PIP5K1B: variants seen among roughly 807,000 people sequenced by gnomAD.
PIP5K1B encodes the protein phosphatidylinositol 4-phosphate 5-kinase type-1 beta.
Under a neutral mutation model 67.0 loss-of-function variants are expected in PIP5K1B, and 42 were observed. The observed-to-expected ratio is 0.63, with a 90% confidence interval of 0.49 to 0.81. PIP5K1B has a LOEUF of 0.81. PIP5K1B is among the 30% of genes least tolerant of loss of function. The pLI, the probability that PIP5K1B is intolerant of heterozygous loss-of-function variation, is 0.00. For missense variants in PIP5K1B, 459 were observed against 646.3 expected (o/e 0.71, Z 3.14); for synonymous variants, 214 against 231.4 (o/e 0.92, Z 0.68).
intron 4 of PIP5K1B, among the ~76,000 whole-genome samples, chr9:68,844,112 G>A (rs1295418220): frequency 6.6e-6 from 1 of 152,174 alleles, no homozygotes; most frequent in Non-Finnish European, 1.5e-5. Flanking sequence ...GCTGCTGCAG[G>A]GCCTAAACAA....
At chr9:68,905,631 T>C (rs1293517417) in intron 8 of PIP5K1B, among the ~76,000 whole-genome samples, 1 of 152,200 alleles carries the variant, frequency 6.6e-6, no homozygotes, top group Non-Finnish European at 1.5e-5. Context: ...CATTACCCAG[T>C]GCATTGTGTA....
At chr9:68,786,396 G>A (rs929548065) in intron 2 of PIP5K1B, among the ~76,000 whole-genome samples, 1 of 152,116 alleles carries the variant, frequency 6.6e-6, no homozygotes, top group Middle Eastern at 3.4e-3. Context: ...GAAAACCAAG[G>A]CCATTTTCTC....
chr9:68,967,233 G>A (rs917664909), intron 14 of PIP5K1B, among the ~76,000 whole-genome samples: 2 of 152,120 alleles, frequency 1.3e-5, no homozygotes, highest in African/African-American at 4.8e-5. Context: ...TTTTTTGTGG[G>A]GACCTTTATG....
chr9:68,808,153 A>AT (rs541974514), intron 2 of PIP5K1B, among the ~76,000 whole-genome samples: 237 of 152,344 alleles, frequency 1.6e-3, no homozygotes, highest in Non-Finnish European at 2.5e-3. Flanking sequence ...AGCAGCGATC[A>AT]TGCCACTGCA....
intron 8 of PIP5K1B, among the ~76,000 whole-genome samples, chr9:68,908,280 A>G (rs1825707343): frequency 6.6e-6 from 1 of 152,224 alleles, no homozygotes; most frequent in South Asian, 2.1e-4. Flanking sequence ...TTATTTGAAG[A>G]AATGAAGTGT....
Position 68,827,091 on chromosome 9 carries a change from C to T in PIP5K1B, c.69+4408C>T, listed in dbSNP as rs533254313. 9.2e-5 allele frequency among the ~76,000 whole-genome samples: 14 copies of T among 152,258 alleles called. No homozygotes were observed. The South Asian group carries it at 2.7e-3, about 29-fold the overall frequency. On this transcript the variant is annotated intron_variant, in intron 4 of 15. Transcript: ENST00000265382. The stretch of plus-strand genomic sequence containing the variant: ...TTAAGTGACTGTGCATTCTGATTTA[C>T]CTACGTGTTTGTCTTGATGTCAGGG...
chr9:68,721,786 C>T (rs373932190), intron 1 of PIP5K1B, among the ~76,000 whole-genome samples: 5 of 152,098 alleles, frequency 3.3e-5, no homozygotes, highest in Admixed American at 1.3e-4. Flanking sequence ...GAGCTCTTGC[C>T]AGCAATTAAA....
intron 4 of PIP5K1B, among the ~76,000 whole-genome samples, chr9:68,832,839 A>C (rs753746994): frequency 2.0e-5 from 3 of 152,202 alleles, no homozygotes; most frequent in East Asian, 3.9e-4. Flanking sequence ...ACTGCTGTCT[A>C]CTTCATTGCA....
intron 2 of PIP5K1B, among the ~76,000 whole-genome samples, chr9:68,817,712 CTTTTTTT>C (rs1156788129): frequency 1.1e-5 from 1 of 93,636 alleles, no homozygotes; most frequent in African/African-American, 4.1e-5. Context: ...AGACCTCATT[CTTTTTTT>C]TTTTTTTTTT....
chr9:68,935,707 C>A (rs1330127309), intron 13 of PIP5K1B, among the ~76,000 whole-genome samples: 1 of 152,202 alleles, frequency 6.6e-6, no homozygotes, highest in South Asian at 2.1e-4. Context: ...CATACACACA[C>A]ATACACTCAA....
At chr9:68,804,821 T>C (rs1832783139) in intron 2 of PIP5K1B, among the ~76,000 whole-genome samples, 1 of 152,220 alleles carries the variant, frequency 6.6e-6, no homozygotes, top group Non-Finnish European at 1.5e-5. Context: ...ATGAGGATAA[T>C]AACAGAAACC....
intron 8 of PIP5K1B, among the ~76,000 whole-genome samples, chr9:68,906,259 T>C (rs1242614809): frequency 6.6e-6 from 1 of 152,216 alleles, no homozygotes. Flanking sequence ...GCTCAAGCAA[T>C]CCACCTGCCT....
intron 14 of PIP5K1B, among the ~76,000 whole-genome samples, chr9:68,975,236 T>A (rs1385558374): frequency 6.6e-6 from 1 of 152,138 alleles, no homozygotes; most frequent in East Asian, 1.9e-4. Context: ...GCCCAGCTAA[T>A]GTTTATATTT....
chr9:68,740,949 G>T (rs1014280721), intron 1 of PIP5K1B, among the ~76,000 whole-genome samples: 2 of 152,222 alleles, frequency 1.3e-5, no homozygotes, highest in African/African-American at 4.8e-5. Context: ...GGGACTGGGG[G>T]AAGTTTTAGA....
At chr9:68,744,610 A>G (rs1283958323) in intron 2 of PIP5K1B, among the ~76,000 whole-genome samples, 1 of 152,094 alleles carries the variant, frequency 6.6e-6, no homozygotes, top group Non-Finnish European at 1.5e-5. Flanking sequence ...CTCAGTAGCT[A>G]TGACTTCTGG....
chr9:68,779,214 A>G (rs1831085138), intron 2 of PIP5K1B, among the ~76,000 whole-genome samples: 1 of 152,160 alleles, frequency 6.6e-6, no homozygotes, highest in African/African-American at 2.4e-5. Flanking sequence ...TAATTACATG[A>G]GCCAAGAATT....
chr9:68,771,006 GTTACTCTTTCATAGAGAAAGAGT>G, intron 2 of PIP5K1B, among the ~76,000 whole-genome samples: 1 of 152,320 alleles, frequency 6.6e-6, no homozygotes, highest in Non-Finnish European at 1.5e-5. Context: ...CATGGGAGTG[GTTACTCTTTCATAGAGAAAGAGT>G]TTAAAGTTAA....
At position 69,008,712 on chromosome 9, in the gene PIP5K1B, T is replaced by A. The variant is rs1379490544; in HGVS notation, c.*263T>A. 2 of 438,234 alleles carry A rather than the reference T, an allele frequency of 4.6e-6. No individual in the cohort carries two copies. The highest frequency in any genetic ancestry group is 8.4e-6 in the Non-Finnish European group (2 of 238,268). The allele number at this position is 438,234 out of a possible 1,614,324, so 27.1% of individuals were successfully genotyped here. Reference sequence around the variant, plus strand: ...CATGAACTATATTTAAGCTGCTTTCTGTACCATTGCCAATCACCTTTTTGG... The same window carrying A: ...CATGAACTATATTTAAGCTGCTTTCAGTACCATTGCCAATCACCTTTTTGG... On this transcript the variant is annotated 3_prime_UTR_variant, in exon 16 of 16. Coordinates refer to ENST00000265382, the MANE Select transcript of PIP5K1B (RefSeq NM_003558.4).
At chr9:68,846,723 C>T (rs904437774) in intron 4 of PIP5K1B, among the ~76,000 whole-genome samples, 1 of 152,144 alleles carries the variant, frequency 6.6e-6, no homozygotes, top group Non-Finnish European at 1.5e-5. Flanking sequence ...CTTTGCTTTT[C>T]TATTTCGTAA....
Sources: gnomAD v4.1 joint callset for allele counts (sites outside exome capture counted in the v4.1 genomes callset) on GRCh38, gnomAD v4.1.1 for gene constraint, MANE v1.5 for transcripts, NCBI Gene and HGNC (gene_info 2026-07-23, HGNC 2026-07-21) for gene names.